The following ARHGAP39 variants were observed in gnomAD, a reference collection of about 807,000 sequenced individuals.
ARHGAP39 encodes the protein rho GTPase-activating protein 39.
Under a neutral mutation model 106.9 loss-of-function variants are expected in ARHGAP39, and 44 were observed. The observed-to-expected ratio is 0.41, with a 90% CI of 0.32 to 0.53. The LOEUF is 0.53. Ranked by LOEUF, ARHGAP39 falls within the 20% of genes least tolerant of loss-of-function variation. ARHGAP39 has a pLI of 0.21. For synonymous variants in ARHGAP39, 768 were observed against 693.2 expected (o/e 1.11, Z -1.69); for missense variants, 1,496 against 1,577.3 (o/e 0.95, Z 0.87).
chr8:144,698,923 T>TG, the ARHGAP39 span: 1 of 455,058 alleles, frequency 2.2e-6, no homozygotes, highest in Admixed American at 2.4e-5. Context: ...TGAATAAACA[T>TG]GGAGTGTTCA....
chr8:144,697,812 G>GTT, the ARHGAP39 span, among the ~76,000 whole-genome samples: 24 of 152,028 alleles, frequency 1.6e-4, no homozygotes, highest in African/African-American at 5.3e-4. Context: ...CTTTTAATTT[G>GTT]TTGAGCTAAT....
chr8:144,561,166 G>GGTTTCCATCGCACCCCAGCA, intron 3 of ARHGAP39, among the ~76,000 whole-genome samples: 1 of 152,212 alleles, frequency 6.6e-6, no homozygotes, highest in Non-Finnish European at 1.5e-5. Context: ...ACACCCCAGT[G>GGTTTCCATCGCACCCCAGCA]GTTTCCATCG....
chr8:144,631,735 G>T (rs1040379929), intron 1 of ARHGAP39, among the ~76,000 whole-genome samples: 1 of 152,208 alleles, frequency 6.6e-6, no homozygotes, highest in Non-Finnish European at 1.5e-5. Context: ...AGAGGGAAAG[G>T]CCTGGCCGCC....
rs1287909714 is a variant in ARHGAP39 at position 144,684,736 on chromosome 8, G to A, written c.-82+950C>T. 6.6e-6 allele frequency among the ~76,000 whole-genome samples: 1 copy of A among 152,234 alleles called. No homozygotes were observed. Among genetic ancestry groups the A allele is most frequent in the Non-Finnish European group, 1.5e-5 (1 of 68,032 alleles). ...CCCACAGCACTCCAGCAACTGGGAA[G>A]CAACCGGGAAGCAACCGAGGGAATT... On this transcript the variant is annotated intron_variant, in intron 1 of 11. Transcript: ENST00000377307. The surrounding 1 kb of genome is among the most constrained non-coding windows in gnomAD (Gnocchi z 4.4).
At chr8:144,588,576 G>A (rs1239369161) in intron 2 of ARHGAP39, among the ~76,000 whole-genome samples, 3 of 152,226 alleles carry the variant, frequency 2.0e-5, no homozygotes, top group Admixed American at 6.5e-5. Flanking sequence ...CGGGGCTCTC[G>A]CCAAGCCATC....
intron 10 of ARHGAP39, 22 bp downstream of exon 10, chr8:144,532,283 G>A: frequency 6.2e-7 from 1 of 1,609,932 alleles, no homozygotes; most frequent in Non-Finnish European, 8.5e-7. Context: ...CCGCTCTGCT[G>A]CAGCGTGTGT....
At chr8:144,581,469 C>T (rs1053536921) in intron 2 of ARHGAP39, among the ~76,000 whole-genome samples, 192 bp from the exon 3 acceptor site, 3 of 152,378 alleles carry the variant, frequency 2.0e-5, no homozygotes, top group Admixed American at 1.3e-4. Flanking sequence ...CCCCCGGAGC[C>T]GCCAGCGCCT....
intron 2 of ARHGAP39, among the ~76,000 whole-genome samples, chr8:144,597,836 A>G (rs532933540): frequency 6.6e-6 from 1 of 152,312 alleles, no homozygotes; most frequent in African/African-American, 2.4e-5. Context: ...CACTGACACA[A>G]AGGCGTGAGC....
chr8:144,538,387 C>A (rs954266330), intron 6 of ARHGAP39, among the ~76,000 whole-genome samples: 2 of 152,210 alleles, frequency 1.3e-5, no homozygotes, highest in Non-Finnish European at 2.9e-5. Context: ...CCGTCTCCTC[C>A]TCCTGCTCCG....
intron 2 of ARHGAP39, among the ~76,000 whole-genome samples, chr8:144,597,516 G>T (rs188080983): frequency 6.6e-6 from 1 of 152,212 alleles, no homozygotes; most frequent in Non-Finnish European, 1.5e-5. Flanking sequence ...ACACTGAGGC[G>T]TGGACAGAGA....
chr8:144,553,420 C>A (rs1817795108), intron 4 of ARHGAP39, among the ~76,000 whole-genome samples: 1 of 152,234 alleles, frequency 6.6e-6, no homozygotes, highest in Admixed American at 6.5e-5. Flanking sequence ...TGAGAACACA[C>A]AGAGCACGCG....
At chr8:144,538,913 G>A (rs946439602) in intron 6 of ARHGAP39, among the ~76,000 whole-genome samples, 3 of 152,088 alleles carry the variant, frequency 2.0e-5, no homozygotes, top group African/African-American at 7.2e-5. Context: ...AATCCAATGG[G>A]TCTTTATCTT....
chr8:144,553,594 C>T (rs913340117), intron 4 of ARHGAP39, among the ~76,000 whole-genome samples: 3 of 152,266 alleles, frequency 2.0e-5, no homozygotes, highest in Non-Finnish European at 2.9e-5. Context: ...CTCATACTCC[C>T]GTCGACCCAG....
intron 4 of ARHGAP39, among the ~76,000 whole-genome samples, chr8:144,552,846 C>G (rs1020814697): frequency 2.0e-5 from 3 of 151,856 alleles, no homozygotes; most frequent in Non-Finnish European, 4.4e-5. Context: ...ATTTATTTCA[C>G]AGGGACTTTA....
intron 5 of ARHGAP39, among the ~76,000 whole-genome samples, 178 bp from the exon 6 acceptor site, chr8:144,545,988 G>A (rs987386814): frequency 2.0e-5 from 3 of 152,204 alleles, no homozygotes; most frequent in Non-Finnish European, 2.9e-5. Context: ...AGCCCAGCCC[G>A]TCCACAGATG....
At chr8:144,557,007 G>A (rs1229835312) in intron 3 of ARHGAP39, among the ~76,000 whole-genome samples, 1 of 144,104 alleles carries the variant, frequency 6.9e-6, no homozygotes, top group African/African-American at 2.8e-5. Flanking sequence ...GGCAAAGGCT[G>A]AACCTTCATA....
At chr8:144,531,006 C>T (rs1816684044) in intron 10 of ARHGAP39, 135 bp from the exon 11 acceptor site, 2 of 1,212,810 alleles carry the variant, frequency 1.6e-6, no homozygotes, top group Non-Finnish European at 2.2e-6. Flanking sequence ...GGACAGGGCC[C>T]ATCTGGCCAG....
intron 2 of ARHGAP39, among the ~76,000 whole-genome samples, chr8:144,600,693 T>C (rs1343824378): frequency 6.8e-6 from 1 of 146,778 alleles, no homozygotes; most frequent in Non-Finnish European, 1.5e-5. Context: ...TGCGTGTGCG[T>C]GGAGACGTGC....
intron 7 of ARHGAP39, among the ~76,000 whole-genome samples, chr8:144,534,870 C>CA (rs1816889969): frequency 6.6e-6 from 1 of 152,164 alleles, no homozygotes; most frequent in Admixed American, 6.5e-5. Context: ...ATGAGGGACT[C>CA]AGGGACCTCA....
Sources: allele counts gnomAD v4.1 joint callset (sites outside exome capture counted in the v4.1 genomes callset), GRCh38; gene constraint gnomAD v4.1.1; non-coding constraint Gnocchi (gnomAD v3.1); transcripts MANE v1.5; gene names NCBI Gene and HGNC (gene_info 2026-07-23, HGNC 2026-07-21).